The following FMN2 variants were observed in gnomAD, a reference collection of about 807,000 sequenced individuals.
FMN2 encodes the protein formin-2.
A neutral mutation model predicts 142.3 loss-of-function variants in FMN2; 51 were observed. The observed-to-expected ratio is 0.36, with a 90% CI of 0.29 to 0.45. The LOEUF (loss-of-function observed/expected upper bound fraction) is 0.45. FMN2 is among the 20% of genes least tolerant of loss of function. The probability of loss-of-function intolerance (pLI) is 1.00; values close to 1 mark genes in which losing one functional copy is unlikely to be tolerated. For synonymous variants in FMN2, 882 were observed against 869.8 expected (o/e 1.01, Z -0.25); for missense variants, 1,936 against 2,122.8 (o/e 0.91, Z 1.73).
intron 8 of FMN2, among the ~76,000 whole-genome samples, chr1:240,300,184 G>C (rs888687401): frequency 4.6e-5 from 7 of 152,128 alleles, no homozygotes; most frequent in African/African-American, 1.7e-4. Context: ...AAGGGGACTG[G>C]GATTCTAACT....
At chr1:240,355,982 A>AAAAAAAAAAAAC (rs1672257204) in intron 14 of FMN2, 74 bp downstream of exon 14, 1 of 759,760 alleles carries the variant, frequency 1.3e-6, no homozygotes, top group Non-Finnish European at 1.9e-6. Flanking sequence ...AAAAAAAAAA[A>AAAAAAAAAAAAC]AAAAGCTACA....
intron 4 of FMN2, among the ~76,000 whole-genome samples, chr1:240,202,647 T>C (rs1666170136): frequency 6.6e-6 from 1 of 151,982 alleles, no homozygotes; most frequent in Non-Finnish European, 1.5e-5. Flanking sequence ...CCATTTTTGT[T>C]GAGATGAAGT....
Position 240,366,536 on chromosome 1 carries a change from C to CTT in FMN2, c.4858+10641_4858+10642dup, listed in dbSNP as rs36063372. On this transcript the variant is annotated intron_variant, in intron 14 of 17. Transcript: ENST00000319653. ...CACAGATTGTCTATCCTATTCTATC[C>CTT]TTTTTTTTTTTTTTAAATTTGAGAT... Among the ~76,000 whole-genome samples, 847 of 143,564 alleles carry CTT rather than the reference C, an allele frequency of 5.9e-3. 10 individuals are homozygous for CTT. The highest frequency in any genetic ancestry group is 0.015 in the African/African-American group (562 of 38,752). The allele number at this position is 143,564 out of a possible 152,430, so 94.2% of individuals were successfully genotyped here. A position where few individuals can be genotyped will look rare whatever the true frequency, so the allele number is the denominator to read the frequency against.
chr1:240,265,827 T>A, intron 7 of FMN2, among the ~76,000 whole-genome samples: 1 of 152,068 alleles, frequency 6.6e-6, no homozygotes, highest in East Asian at 1.9e-4. Context: ...GTTTCCTTCG[T>A]GTGTTTCTTA....
At chr1:240,443,941 G>T (rs1451448022) in intron 16 of FMN2, among the ~76,000 whole-genome samples, 1 of 152,060 alleles carries the variant, frequency 6.6e-6, no homozygotes, top group Non-Finnish European at 1.5e-5. Flanking sequence ...CACTAATGAG[G>T]CTCTGTGGAG....
chr1:240,161,560 A>T (rs1664283417), intron 2 of FMN2, among the ~76,000 whole-genome samples: 1 of 151,978 alleles, frequency 6.6e-6, no homozygotes, highest in African/African-American at 2.4e-5. Flanking sequence ...AAGTGGAAAG[A>T]GTTAATATTC....
chr1:240,174,773 C>T (rs950889767), intron 2 of FMN2, among the ~76,000 whole-genome samples: 1 of 152,062 alleles, frequency 6.6e-6, no homozygotes, highest in Non-Finnish European at 1.5e-5. Flanking sequence ...TTAGCTATCC[C>T]CAACAGCCTT....
intron 2 of FMN2, among the ~76,000 whole-genome samples, chr1:240,123,814 A>G (rs1662393168): frequency 1.3e-5 from 2 of 152,172 alleles, no homozygotes; most frequent in South Asian, 4.1e-4. Flanking sequence ...CCATTAAACA[A>G]TAACTCCCCA....
intron 2 of FMN2, among the ~76,000 whole-genome samples, chr1:240,177,187 A>G (rs11590568): frequency 0.22 from 34,061 of 151,980 alleles, 4,064 homozygotes; most frequent in African/African-American, 0.29. Context: ...TTATTCTGAA[A>G]TCCTAATGAG....
Position 240,330,763 on chromosome 1 carries a change from A to C in FMN2, c.4584+14A>C. 6.2e-7 allele frequency: 1 copy of C among 1,613,042 alleles called. No individual in the cohort carries two copies. On this transcript the variant is annotated intron_variant, in intron 11 of 17. Transcript: ENST00000319653. The stretch of plus-strand genomic sequence containing the variant: ...GTCAAGAGCAGTGTAAGTATTTTGC[A>C]TGAGTGGACGTAAGCACATTGAGGA...
intron 6 of FMN2, among the ~76,000 whole-genome samples, chr1:240,241,331 T>C (rs913407729): frequency 6.6e-6 from 1 of 152,100 alleles, no homozygotes; most frequent in East Asian, 1.9e-4. Context: ...ATTGAGTTTC[T>C]AATTCTTTTA....
At chr1:240,285,091 AC>A (rs1310106084) in intron 7 of FMN2, 17 of 357,216 alleles carry the variant, frequency 4.8e-5, no homozygotes, top group Non-Finnish European at 7.0e-5. Context: ...TTTTTCTGTT[AC>A]CCTGTTTTTT....
intron 15 of FMN2, among the ~76,000 whole-genome samples, chr1:240,404,170 G>A (rs1205733710): frequency 6.6e-6 from 1 of 152,126 alleles, no homozygotes; most frequent in Non-Finnish European, 1.5e-5. Context: ...TTTGTCACAG[G>A]AGAGAAAATA....
At chr1:240,111,225 G>A (rs1297110563) in intron 1 of FMN2, among the ~76,000 whole-genome samples, 2 of 152,148 alleles carry the variant, frequency 1.3e-5, no homozygotes, top group Non-Finnish European at 2.9e-5. Context: ...ACCTGTCTAA[G>A]GCCATACCTA....
At chr1:240,278,086 A>G (rs367605703) in intron 7 of FMN2, among the ~76,000 whole-genome samples, 21 of 152,240 alleles carry the variant, frequency 1.4e-4, no homozygotes, top group African/African-American at 4.3e-4. Context: ...GGTCCAATGA[A>G]CCCCGATTCC....
intron 14 of FMN2, among the ~76,000 whole-genome samples, chr1:240,356,836 T>TA (rs1220483587): frequency 6.6e-6 from 1 of 152,246 alleles, no homozygotes; most frequent in African/African-American, 2.4e-5. Context: ...ACAATTTGAT[T>TA]AAATGTTAGG....
chr1:240,140,153 G>A (rs970682035), intron 2 of FMN2, among the ~76,000 whole-genome samples: 1 of 152,000 alleles, frequency 6.6e-6, no homozygotes, highest in Non-Finnish European at 1.5e-5. Context: ...GCTAATCATG[G>A]TTCCCATTCC....
intron 2 of FMN2, among the ~76,000 whole-genome samples, chr1:240,155,409 G>C (rs1341680479): frequency 6.6e-6 from 1 of 152,056 alleles, no homozygotes; most frequent in Non-Finnish European, 1.5e-5. Context: ...CTCCATCTCT[G>C]GAATAGCTGG....
chr1:240,165,366 G>A (rs2103299727), intron 2 of FMN2, among the ~76,000 whole-genome samples: 1 of 152,094 alleles, frequency 6.6e-6, no homozygotes, highest in South Asian at 2.1e-4. Flanking sequence ...TGTAGGGACG[G>A]GGTCTCTCTG....
Sources: allele counts gnomAD v4.1 joint callset (sites outside exome capture counted in the v4.1 genomes callset), GRCh38; gene constraint gnomAD v4.1.1; transcripts MANE v1.5; gene names NCBI Gene and HGNC (gene_info 2026-07-23, HGNC 2026-07-21).